The following RALGAPA2 variants were observed in gnomAD, a reference collection of about 807,000 sequenced individuals.
The protein encoded by RALGAPA2 is Ral GTPase activating protein catalytic subunit alpha 2.
Under a neutral mutation model 230.4 loss-of-function variants are expected in RALGAPA2, and 139 were observed. That is an observed-to-expected ratio of 0.60 (90% CI 0.53 to 0.69). The LOEUF is 0.69. Among genes scored for constraint, RALGAPA2 ranks in the 30% least tolerant of loss-of-function variants. The pLI, the probability that RALGAPA2 is intolerant of heterozygous loss-of-function variation, is 0.00. For missense variants in RALGAPA2, 2,163 were observed against 2,276.0 expected, an observed-to-expected ratio of 0.95 and a Z score of 1.01; for synonymous variants, 847 against 837.8, an observed-to-expected ratio of 1.01 and a Z score of -0.19.
rs576879910 is a variant in RALGAPA2, at chr20:20,669,681, G to A, written c.270+6555C>T. On this transcript the variant is annotated intron_variant, in intron 3 of 39. Coordinates refer to ENST00000202677, the MANE Select transcript of RALGAPA2 (RefSeq NM_020343.4). The stretch of plus-strand genomic sequence containing the variant: ...TCCTGCCCTCAGTTCTGTCTCTGTC[G>A]CTCCCTTTCCTCTTTGCGTACTGAT... Among the ~76,000 whole-genome samples the A allele has an allele frequency of 7.2e-5, 11 of 152,228 alleles. No homozygotes were observed. In the East Asian group the frequency reaches 1.2e-3, roughly 16 times the overall value.
At position 20,524,522 on chromosome 20, in the gene RALGAPA2, A is replaced by T. The variant is rs139808520; in HGVS notation, c.3784T>A (p.Cys1262Ser). 49 of 1,613,986 alleles carry T rather than the reference A, an allele frequency of 3.0e-5. No homozygotes were observed. In the African/African-American group the frequency reaches 5.9e-4, roughly 19 times the overall value. The change falls in exon 30 of 40, where the codon TGC becomes AGC. Residue 1262 changes from cysteine (C) to serine (S), a missense_variant. Transcript: ENST00000202677. ...AATGCCATGCACCAGTCCAAGAGGC[A>T]GAGTAGCAAGGACACAATAAACTGG... ...DKKFIVSLLL[C>S]LLDWCMALPV...
rs200849145 is a variant in RALGAPA2, at chr20:20,572,834, T to C, written c.2901+41A>G. The C allele has an allele frequency of 7.6e-5, 107 of 1,400,302 alleles. No homozygotes were observed. In the East Asian group the frequency reaches 2.7e-3, roughly 35 times the overall value. 86.7% of individuals were successfully genotyped at this position (1,400,302 alleles called of 1,614,324 possible). ...GTTTTTACATTAAATGATAAGACCA[T>C]TTTCCTGGATTAGAATAAAAAGTAA... On this transcript the variant is annotated intron_variant, in intron 21 of 39. Transcript: ENST00000202677.
Position 20,591,237 on chromosome 20 carries a change from C to CCTG in RALGAPA2, c.2278_2280dup (p.Gln760dup), listed in dbSNP as rs772825666. On this transcript the variant is annotated inframe_insertion, in exon 17 of 40. Transcript: ENST00000202677. ...TCGGAGGTGCTGCTGCTCCGAAGGA[C>CCTG]CTGCTGCTGCTGTCCCACTGTGAGA... 2 of 1,613,902 alleles carry CCTG rather than the reference C, an allele frequency of 1.2e-6. No homozygotes were observed. Among genetic ancestry groups the CCTG allele is most frequent in the East Asian group, 4.5e-5 (2 of 44,874 alleles).
chr20:20,430,211 G>T, intron 37 of RALGAPA2, among the ~76,000 whole-genome samples: 1 of 152,346 alleles, frequency 6.6e-6, no homozygotes, highest in Non-Finnish European at 1.5e-5. Context: ...AGTGGCACCC[G>T]GTCAGTGGAA....
intron 37 of RALGAPA2, among the ~76,000 whole-genome samples, chr20:20,439,433 G>C (rs191178686): frequency 1.3e-5 from 2 of 152,030 alleles, no homozygotes; most frequent in Non-Finnish European, 2.9e-5. Context: ...GGCTGGTCTC[G>C]AACTCCAGAG....
At chr20:20,474,720 G>A (rs1342437880) in intron 36 of RALGAPA2, among the ~76,000 whole-genome samples, 2 of 152,222 alleles carry the variant, frequency 1.3e-5, no homozygotes, top group African/African-American at 4.8e-5. Flanking sequence ...TCCTGAAATG[G>A]AGAAGACTGA....
intron 36 of RALGAPA2, among the ~76,000 whole-genome samples, chr20:20,490,892 ACACT>A (rs768183714): frequency 1.7e-4 from 26 of 150,124 alleles, no homozygotes; most frequent in African/African-American, 3.9e-4. Flanking sequence ...ACACACACAC[ACACT>A]CACACTCACT....
chr20:20,454,476 C>T (rs1025756711), intron 37 of RALGAPA2, among the ~76,000 whole-genome samples: 1 of 152,202 alleles, frequency 6.6e-6, no homozygotes, highest in African/African-American at 2.4e-5. Flanking sequence ...AACTTGTCTC[C>T]CACATATTTG....
chr20:20,459,996 T>C (rs1191668955), intron 37 of RALGAPA2, among the ~76,000 whole-genome samples: 1 of 152,188 alleles, frequency 6.6e-6, no homozygotes, highest in Non-Finnish European at 1.5e-5. Flanking sequence ...CCATCCTGGC[T>C]GTGAAGCCCC....
chr20:20,429,501 C>T (rs998201529), intron 37 of RALGAPA2, among the ~76,000 whole-genome samples: 3 of 152,154 alleles, frequency 2.0e-5, no homozygotes, highest in African/African-American at 7.2e-5. Flanking sequence ...TAAGAAGCTA[C>T]AATTTAGAGG....
At chr20:20,623,419 T>A (rs2047276032) in intron 10 of RALGAPA2, among the ~76,000 whole-genome samples, 1 of 150,490 alleles carries the variant, frequency 6.6e-6, no homozygotes, top group African/African-American at 2.5e-5. Context: ...AGCATTCAAT[T>A]CAAAGGAATA....
At chr20:20,468,875 G>A (rs149567329) in intron 37 of RALGAPA2, among the ~76,000 whole-genome samples, 1,658 of 151,814 alleles carry the variant, frequency 0.011, 29 homozygotes, top group African/African-American at 0.039. Context: ...CACTGCCTTC[G>A]ACGAGACCCC....
chr20:20,648,626 G>A (rs189782530), intron 4 of RALGAPA2, among the ~76,000 whole-genome samples: 1 of 152,158 alleles, frequency 6.6e-6, no homozygotes, highest in East Asian at 1.9e-4. Context: ...TCAAGACAGA[G>A]ATCAGTGTCT....
chr20:20,526,415 G>A (rs906978592), intron 27 of RALGAPA2, 53 bp from the exon 28 acceptor site: 28 of 1,189,218 alleles, frequency 2.4e-5, no homozygotes, highest in African/African-American at 7.7e-5. Flanking sequence ...CAGGTGTATC[G>A]TTCTTAAGGA....
intron 37 of RALGAPA2, among the ~76,000 whole-genome samples, chr20:20,447,630 G>A (rs996462449): frequency 2.0e-5 from 3 of 147,570 alleles, no homozygotes; most frequent in Admixed American, 6.7e-5. Flanking sequence ...ATATCAAATT[G>A]CCTTTTTTTT....
chr20:20,584,985 T>C lies in RALGAPA2; in HGVS notation c.2440-30A>G, dbSNP rs544422591. The C allele has an allele frequency of 1.6e-5, 25 of 1,524,030 alleles. No individual in the cohort carries two copies. In the South Asian group the frequency reaches 2.7e-4, roughly 16 times the overall value. The allele number at this position is 1,524,030 out of a possible 1,614,324, so 94.4% of individuals were successfully genotyped here. A position where few individuals can be genotyped will look rare whatever the true frequency, so the allele number is the denominator to read the frequency against. ...AGACAAAAAGAAATATTGCATTTAC[T>C]ACAGGAAAGTTTTCATTGTTATAAG... is the stretch of plus-strand genomic sequence containing the variant. On this transcript the variant is annotated intron_variant, in intron 18 of 39. Coordinates refer to ENST00000202677, the MANE Select transcript of RALGAPA2 (RefSeq NM_020343.4).
chr20:20,399,603 G>C (rs947638953), intron 38 of RALGAPA2, among the ~76,000 whole-genome samples: 1 of 152,326 alleles, frequency 6.6e-6, no homozygotes, highest in African/African-American at 2.4e-5. Context: ...AAGATGTCTT[G>C]CTTCTTCCAC....
At chr20:20,508,029 A>G (rs543279368) in intron 33 of RALGAPA2, among the ~76,000 whole-genome samples, 9 of 152,336 alleles carry the variant, frequency 5.9e-5, no homozygotes, top group Admixed American at 3.3e-4. Flanking sequence ...CTCCTTAAAA[A>G]TCTAAGCTGT....
At chr20:20,556,332 A>G (rs1315737277) in intron 23 of RALGAPA2, among the ~76,000 whole-genome samples, 1 of 152,268 alleles carries the variant, frequency 6.6e-6, no homozygotes, top group Admixed American at 6.5e-5. Flanking sequence ...TGCTTCCTAT[A>G]ATGGGCACTT....
Sources: gnomAD v4.1 joint callset for allele counts (sites outside exome capture counted in the v4.1 genomes callset) on GRCh38, gnomAD v4.1.1 for gene constraint, MANE v1.5 for transcripts, NCBI Gene and HGNC (gene_info 2026-07-23, HGNC 2026-07-21) for gene names.